The following RDX variants were observed in gnomAD, a reference collection of about 807,000 sequenced individuals.
RDX encodes the protein deafness, autosomal recessive 24.
RDX carries 32 observed loss-of-function variants against 83.7 expected under a neutral mutation model. The ratio of observed to expected loss-of-function variants is 0.38; its 90% CI spans 0.29 to 0.51. RDX has a LOEUF of 0.51. Among genes scored for constraint, RDX ranks in the 20% least tolerant of loss-of-function variants. The pLI is 0.87. For missense variants in RDX, 600 were observed against 689.9 expected, an observed-to-expected ratio of 0.87 and a Z score of 1.46; for synonymous variants, 229 against 222.7, an observed-to-expected ratio of 1.03 and a Z score of -0.25.
In RDX at chr11:110,296,579, G is replaced by A. The variant is rs1394325543; in HGVS notation, c.-177C>T. 3 of 151,060 alleles carry A rather than the reference G, an allele frequency of 2.0e-5. No individual in the cohort carries two copies. The highest frequency in any genetic ancestry group is 6.6e-5 in the Admixed American group (1 of 15,168). 9.4% of individuals were successfully genotyped at this position (151,060 alleles called of 1,614,324 possible). A position where few individuals can be genotyped will look rare whatever the true frequency, so the allele number is the denominator to read the frequency against. On this transcript the variant is annotated 5_prime_UTR_variant, in exon 1 of 14. Coordinates refer to ENST00000645495, the MANE Select transcript of RDX (RefSeq NM_002906.4). ...GCGAGCGCTGGCCCGCGGGAGACGAGAGGCGCCGCCGCCACCGCAGACAGC... is the reference window on the plus strand; with the variant it reads ...GCGAGCGCTGGCCCGCGGGAGACGAAAGGCGCCGCCGCCACCGCAGACAGC...
chr11:110,214,568 A>C (rs1184827369), intron 14 of RDX, among the ~76,000 whole-genome samples: 1 of 93,456 alleles, frequency 1.1e-5, no homozygotes, highest in African/African-American at 4.2e-5. Context: ...ATTATTCACA[A>C]TAGCAAAGAC....
At position 110,264,915 on chromosome 11, in the gene RDX, A is replaced by G. The variant is rs754570698; in HGVS notation, c.97-41T>C. On this transcript the variant is annotated intron_variant, in intron 3 of 13. Coordinates refer to ENST00000645495, the MANE Select transcript of RDX (RefSeq NM_002906.4). ...AACAAAAAAACACAATTTCAGTCCA[A>G]CATACACATTGTGTCTAGATGATAC... 5 of 1,414,046 alleles carry G rather than the reference A, an allele frequency of 3.5e-6. No individual in the cohort carries two copies. The East Asian group carries it at 1.1e-4, about 32-fold the overall frequency. The allele number at this position is 1,414,046 out of a possible 1,614,324, so 87.6% of individuals were successfully genotyped here.
intron 1 of RDX, among the ~76,000 whole-genome samples, chr11:110,281,920 G>T (rs753153820): frequency 7.6e-6 from 1 of 130,848 alleles, no homozygotes; most frequent in African/African-American, 2.9e-5. Context: ...AGGCAACATG[G>T]CAAAACCCCA....
chr11:110,204,987 C>T (rs1863550438), intron 14 of RDX, among the ~76,000 whole-genome samples: 1 of 152,068 alleles, frequency 6.6e-6, no homozygotes, highest in African/African-American at 2.4e-5. Context: ...GAAAGCTCAA[C>T]CAGATATCAA....
intron 14 of RDX, among the ~76,000 whole-genome samples, chr11:110,201,903 TTGTGTGTGTGTGTGTGTGTGTGTGTGTG>T (rs141731309): frequency 0.41 from 56,051 of 137,372 alleles, 11,042 homozygotes; most frequent in East Asian, 0.55. Flanking sequence ...CCGGCTAATT[TTGTGTGTGTGTGTGTGTGTGTGTGTGTG>T]TGTGTGTGTG....
intron 14 of RDX, among the ~76,000 whole-genome samples, chr11:110,200,580 G>C (rs1449460783): frequency 1.3e-5 from 2 of 152,178 alleles, no homozygotes; most frequent in African/African-American, 2.4e-5. Context: ...AAGGGCAGCT[G>C]TGGTGGGCTG....
intron 2 of RDX, among the ~76,000 whole-genome samples, chr11:110,279,129 A>G (rs1230983564): frequency 3.3e-5 from 5 of 152,190 alleles, no homozygotes; most frequent in African/African-American, 4.8e-5. Context: ...TTTACTGGGC[A>G]CTAAATATAT....
chr11:110,255,154 G>T, intron 8 of RDX, 135 bp downstream of exon 8: 1 of 557,090 alleles, frequency 1.8e-6, no homozygotes, highest in Non-Finnish European at 3.3e-6. Flanking sequence ...TCATCACTGG[G>T]AAAGCTGACC....
intron 11 of RDX, 34 bp downstream of exon 11, chr11:110,237,458 T>G: frequency 6.2e-7 from 1 of 1,607,392 alleles, no homozygotes; most frequent in African/African-American, 1.3e-5. Context: ...ATGCTTTTAT[T>G]TAAACTTTTT....
chr11:110,262,374 C>G (rs1405340235), intron 5 of RDX, among the ~76,000 whole-genome samples: 1 of 152,128 alleles, frequency 6.6e-6, no homozygotes, highest in African/African-American at 2.4e-5. Flanking sequence ...CATTTGAGAT[C>G]AGGAGTTCGA....
chr11:110,222,518 C>T lies in RDX; in HGVS notation c.1748+9355G>A, dbSNP rs573801564. ...AATGCATATAAATTACTAAATGGAC[C>T]GGGCATGGTGGCTGACACCTGTAAT... On this transcript the variant is annotated intron_variant, in intron 14 of 15. Coordinates refer to the RDX transcript ENST00000528498. Among the ~76,000 whole-genome samples the T allele has an allele frequency of 3.3e-5, 5 of 152,224 alleles. No homozygotes were observed. The East Asian group carries it at 5.8e-4, about 18-fold the overall frequency.
intron 15 of RDX, among the ~76,000 whole-genome samples, chr11:110,186,226 C>CA (rs1862984115): frequency 6.6e-6 from 1 of 152,150 alleles, no homozygotes; most frequent in African/African-American, 2.4e-5. Context: ...AGCTTCCCAT[C>CA]AGAGCATCCC....
At chr11:110,181,370 G>T (rs952780202) in intron 15 of RDX, among the ~76,000 whole-genome samples, 1 of 152,100 alleles carries the variant, frequency 6.6e-6, no homozygotes, top group Non-Finnish European at 1.5e-5. Flanking sequence ...CATCATGTTG[G>T]CCAGGCTGGT....
At chr11:110,296,335 C>G (rs1454758056) in intron 1 of RDX, 132 bp downstream of exon 1, 3 of 149,338 alleles carry the variant, frequency 2.0e-5, no homozygotes, top group African/African-American at 7.3e-5. Context: ...TGGGCGCGAG[C>G]GGAGGCGCGC....
chr11:110,248,515 A>G (rs1386979132), intron 9 of RDX, among the ~76,000 whole-genome samples: 5 of 152,324 alleles, frequency 3.3e-5, no homozygotes, highest in South Asian at 2.1e-4. Flanking sequence ...AACATCCTCA[A>G]AGGATGAGTT....
chr11:110,276,945 T>C (rs913408532), intron 2 of RDX, among the ~76,000 whole-genome samples: 2 of 152,232 alleles, frequency 1.3e-5, no homozygotes, highest in African/African-American at 4.8e-5. Context: ...ACAAATGTTT[T>C]AGAGGTGATG....
downstream of RDX, among the ~76,000 whole-genome samples, chr11:110,228,454 T>G (rs985332944): frequency 2.0e-5 from 3 of 152,080 alleles, no homozygotes; most frequent in African/African-American, 4.8e-5. Flanking sequence ...ACAGTACAGC[T>G]CCACACTGAA....
At chr11:110,259,624 G>A (rs1313212842) in intron 5 of RDX, among the ~76,000 whole-genome samples, 1 of 152,144 alleles carries the variant, frequency 6.6e-6, no homozygotes, top group Admixed American at 6.5e-5. Context: ...CTTTTGGGGA[G>A]AAGAGTTTCA....
At chr11:110,176,465 G>A (rs1355513069) in intron 15 of RDX, among the ~76,000 whole-genome samples, 1 of 152,054 alleles carries the variant, frequency 6.6e-6, no homozygotes, top group Admixed American at 6.6e-5. Context: ...CATCCAAAAG[G>A]GTAAGCATTC....
Sources: gnomAD v4.1 joint callset for allele counts (sites outside exome capture counted in the v4.1 genomes callset) on GRCh38, gnomAD v4.1.1 for gene constraint, MANE v1.5 for transcripts, NCBI Gene and HGNC (gene_info 2026-07-23, HGNC 2026-07-21) for gene names.